Variants in ISM1 observed in about 807,000 individuals in gnomAD.
The protein encoded by ISM1 is isthmin 1.
Under a neutral mutation model 46.3 loss-of-function variants are expected in ISM1, and 25 were observed. That is an observed-to-expected ratio of 0.54 (90% CI 0.39 to 0.75). The LOEUF is 0.75. Among genes scored for constraint, ISM1 ranks in the 30% least tolerant of loss-of-function variants. The probability of loss-of-function intolerance (pLI) is 0.00; values close to 1 mark genes in which losing one functional copy is unlikely to be tolerated. For synonymous variants in ISM1, 255 were observed against 256.7 expected, an observed-to-expected ratio of 0.99 and a Z score of 0.06; for missense variants, 536 against 625.4, an observed-to-expected ratio of 0.86 and a Z score of 1.52.
chr20:13,309,391 C>G, the ISM1 span, among the ~76,000 whole-genome samples: 1 of 151,972 alleles, frequency 6.6e-6, no homozygotes, highest in Non-Finnish European at 1.5e-5. Flanking sequence ...AATAAAAACT[C>G]TCAATGAATT....
downstream of ISM1, among the ~76,000 whole-genome samples, chr20:13,303,423 A>G (rs1241813734): frequency 6.6e-6 from 1 of 152,176 alleles, no homozygotes; most frequent in Admixed American, 6.5e-5. Context: ...AACATTTCTA[A>G]AAGATAGCCT....
chr20:13,279,720 C>A lies in ISM1; in HGVS notation c.465C>A (p.Ser155=), dbSNP rs1412898304. The change falls in exon 3 of 6, where the codon TCC becomes TCA. Residue 155 remains serine (S), a synonymous_variant. Transcript: ENST00000262487. ...ATAAGCCCAGCTGGTCAGTCCCATC[C>A]CCCGACTGGCGGGCCTGGTGGCAGA... The part of the protein sequence containing the change: ...PENKPSWSVP[S]PDWRAWWQRS... The A allele has an allele frequency of 1.2e-6, 2 of 1,613,878 alleles. No individual in the cohort carries two copies. Among genetic ancestry groups the A allele is most frequent in the African/African-American group, 1.3e-5 (1 of 74,918 alleles).
rs1335068605 is a variant in ISM1, at chr20:13,249,778, GCGTTTTGTTTTGTTT to G, written c.139-20725_139-20711del. The stretch of plus-strand genomic sequence containing the variant: ...TTCTCAGCCTCCATCATTTTTTGTT[GCGTTTTGTTTTGTTT>G]TGTTTTGTTTTGTTTTGTTTTGTTT... On this transcript the variant is annotated intron_variant, in intron 1 of 5. Coordinates refer to ENST00000262487, the MANE Select transcript of ISM1 (RefSeq NM_080826.2). Among the ~76,000 whole-genome samples the G allele has an allele frequency of 4.9e-4, 70 of 143,232 alleles. 1 individual carries two copies. The highest frequency in any genetic ancestry group is 1.7e-3 in the African/African-American group (65 of 38,566). The allele number at this position is 143,232 out of a possible 152,430, so 94.0% of individuals were successfully genotyped here.
the ISM1 span, among the ~76,000 whole-genome samples, chr20:13,311,576 T>C: frequency 6.6e-6 from 1 of 152,250 alleles, no homozygotes; most frequent in Admixed American, 6.5e-5. Flanking sequence ...AAATGTGGTA[T>C]GTTCACATTA....
intron 1 of ISM1, among the ~76,000 whole-genome samples, chr20:13,263,726 T>G (rs1241103966): frequency 1.3e-5 from 2 of 152,338 alleles, no homozygotes; most frequent in East Asian, 3.9e-4. Flanking sequence ...TGTGCCTGGG[T>G]GCAGTATGGC....
the ISM1 span, among the ~76,000 whole-genome samples, chr20:13,316,392 A>AAC: frequency 6.6e-6 from 1 of 152,004 alleles, no homozygotes; most frequent in Non-Finnish European, 1.5e-5. Context: ...AATTCTCTAC[A>AAC]ATATCTTTCA....
chr20:13,228,849 G>A (rs541433944), intron 1 of ISM1, among the ~76,000 whole-genome samples: 2 of 152,080 alleles, frequency 1.3e-5, no homozygotes, highest in Non-Finnish European at 2.9e-5. Flanking sequence ...TATTTCTGTT[G>A]TTTAATTGTG....
chr20:13,223,313 C>T (rs975272162), intron 1 of ISM1, among the ~76,000 whole-genome samples: 13 of 151,936 alleles, frequency 8.6e-5, no homozygotes, highest in Admixed American at 7.9e-4. Context: ...AAAACTTTAC[C>T]GTAAAGAGAA....
downstream of ISM1, among the ~76,000 whole-genome samples, chr20:13,303,750 G>T (rs1436457289): frequency 6.6e-6 from 1 of 152,218 alleles, no homozygotes. Flanking sequence ...AGATACCAGG[G>T]ATACAGCGGT....
chr20:13,238,188 A>G (rs2039674847), intron 1 of ISM1: 1 of 152,204 alleles, frequency 6.6e-6, no homozygotes, highest in Admixed American at 6.5e-5. Flanking sequence ...CTGTGGTTAC[A>G]TTGCCCAAAC....
At position 13,235,583 on chromosome 20, in the gene ISM1, C is replaced by T. The variant is rs540067741; in HGVS notation, c.138+13669C>T. On this transcript the variant is annotated intron_variant, in intron 1 of 5. Coordinates refer to ENST00000262487, the MANE Select transcript of ISM1 (RefSeq NM_080826.2). Reference sequence around the variant, plus strand: ...GGGCCCTGCCACTGAGAAGTTAGAGCTGGAGAAAGCTCTCACATGTCATCC... The same window carrying T: ...GGGCCCTGCCACTGAGAAGTTAGAGTTGGAGAAAGCTCTCACATGTCATCC... Among the ~76,000 whole-genome samples, 37 of 152,308 alleles carry T rather than the reference C, an allele frequency of 2.4e-4. 1 individual carries two copies. The South Asian group carries it at 7.7e-3, about 32-fold the overall frequency.
the ISM1 span, among the ~76,000 whole-genome samples, chr20:13,321,818 T>C: frequency 2.0e-5 from 3 of 152,200 alleles, no homozygotes; most frequent in Non-Finnish European, 2.9e-5. Context: ...TGTCGAAGTG[T>C]GTGTAGAGAC....
At chr20:13,231,212 G>A (rs1329680105) in intron 1 of ISM1, among the ~76,000 whole-genome samples, 1 of 152,216 alleles carries the variant, frequency 6.6e-6, no homozygotes, top group Non-Finnish European at 1.5e-5. Context: ...GGGTAACAGA[G>A]CAGAGTTTCC....
intron 1 of ISM1, among the ~76,000 whole-genome samples, chr20:13,264,821 G>T (rs2040025223): frequency 5.9e-5 from 9 of 152,210 alleles, no homozygotes; most frequent in Admixed American, 5.9e-4. Flanking sequence ...AAGATGAGAG[G>T]TTTTCTCTTC....
chr20:13,299,260 G>C lies in ISM1; in HGVS notation c.1196G>C (p.Gly399Ala). 1 of 1,607,574 alleles carries C rather than the reference G, an allele frequency of 6.2e-7. No individual in the cohort carries two copies. Among genetic ancestry groups the C allele is most frequent in the African/African-American group, 1.3e-5 (1 of 74,878 alleles). Residue 399 changes from glycine to alanine, a missense_variant, in exon 6 of 6, where the codon GGG (glycine) becomes GCG (alanine). Transcript: ENST00000262487. This position sits in a 1 kb window ranked among gnomAD's most constrained non-coding sequence, Gnocchi z 5.8. ...ATGCAGCTCATCACCAGGGGCAAGG[G>C]GGCGGGCACGCCCAACCTCATCAGC... is the stretch of plus-strand genomic sequence containing the variant. ...DNMQLITRGKGAGTPNLISTE... is the reference protein window; with the variant it reads ...DNMQLITRGKAAGTPNLISTE...
Position 13,279,618 on chromosome 20 carries a change from G to A in ISM1, c.379-16G>A. The A allele has an allele frequency of 1.2e-6, 2 of 1,607,256 alleles. No homozygotes were observed. ...GTTGACTCCACACTGACCCCAGCCT[G>A]TTCTGAATTCTTCAGGTCACCATAG... On this transcript the variant is annotated splice_polypyrimidine_tract_variant and intron_variant, in intron 2 of 5. Transcript: ENST00000262487.
chr20:13,290,123 A>G (rs1051807670), intron 4 of ISM1, among the ~76,000 whole-genome samples: 6 of 152,204 alleles, frequency 3.9e-5, no homozygotes, highest in Non-Finnish European at 8.8e-5. Flanking sequence ...CATGTCAGCC[A>G]TGCAGATGGA....
intron 1 of ISM1, among the ~76,000 whole-genome samples, chr20:13,252,283 G>A (rs1346172126): frequency 6.6e-6 from 1 of 152,184 alleles, no homozygotes; most frequent in Non-Finnish European, 1.5e-5. Context: ...TTTGATGATG[G>A]CTGCTGTGTA....
chr20:13,241,095 T>C (rs1294170613), intron 1 of ISM1, among the ~76,000 whole-genome samples: 1 of 152,106 alleles, frequency 6.6e-6, no homozygotes, highest in Non-Finnish European at 1.5e-5. Flanking sequence ...CGAATGCTGC[T>C]GTGAGAACAA....
Sources: gnomAD v4.1 joint callset for allele counts (sites outside exome capture counted in the v4.1 genomes callset) on GRCh38, gnomAD v4.1.1 for gene constraint, Gnocchi (gnomAD v3.1) non-coding constraint, MANE v1.5 for transcripts, NCBI Gene and HGNC (gene_info 2026-07-23, HGNC 2026-07-21) for gene names.